TNXB: variants seen among roughly 807,000 people sequenced by gnomAD.
The protein encoded by TNXB is tenascin-X.
Under a neutral mutation model 340.5 loss-of-function variants are expected in TNXB, and 183 were observed. That is an observed-to-expected ratio of 0.54 (90% CI 0.48 to 0.61). TNXB has a LOEUF of 0.61. TNXB is among the 20% of genes least tolerant of loss of function. The pLI is 0.00. For missense variants in TNXB, 4,613 were observed against 5,446.4 expected, an observed-to-expected ratio of 0.85 and a Z score of 4.82; for synonymous variants, 2,121 against 2,314.5, an observed-to-expected ratio of 0.92 and a Z score of 2.40.
At position 32,072,086 on chromosome 6, in the gene TNXB, T is replaced by C. The variant is rs766602645; in HGVS notation, c.4894A>G (p.Ile1632Val). The C allele has an allele frequency of 1.2e-4, 191 of 1,613,016 alleles. No homozygotes were observed. Among genetic ancestry groups the C allele is most frequent in the Middle Eastern group, 1.6e-4 (1 of 6,062 alleles). The change falls in exon 13 of 44, where the codon ATC becomes GTC. Residue 1632 changes from isoleucine to valine, a missense_variant. Ile to Val is a conservative substitution (Grantham distance 29, BLOSUM62 3). Around this residue, in one of 7 missense-constraint regions of TNXB, gnomAD observed 4,327 missense variants for 4,859.4 expected, o/e 0.89. Coordinates refer to ENST00000644971, the MANE Select transcript of TNXB (RefSeq NM_001365276.2). This position sits in a 1 kb window ranked among gnomAD's most constrained non-coding sequence, Gnocchi z 4.4. ...TTGCGGGAGGGTTCCAGGTCAGGGA[T>C]AGTGACCTCCCGCTGATCTGCAGCC... Reference protein sequence around the residue: ...PVAADQREVTIPDLEPSRKYK... With the variant: ...PVAADQREVTVPDLEPSRKYK...
intron 18 of TNXB, among the ~76,000 whole-genome samples, chr6:32,066,094 A>T (rs1000096853): frequency 6.6e-6 from 1 of 152,218 alleles, no homozygotes; most frequent in African/African-American, 2.4e-5. Context: ...GGCAATAAAA[A>T]GCAGTGTAGT....
Position 32,090,835 on chromosome 6 carries a change from T to C in TNXB, c.2359-1456A>G, listed in dbSNP as rs1313412580. Among the ~76,000 whole-genome samples, 2 of 152,176 alleles carry C rather than the reference T, an allele frequency of 1.3e-5. No homozygotes were observed. The highest frequency in any genetic ancestry group is 2.9e-5 in the Non-Finnish European group (2 of 68,026). On this transcript the variant is annotated intron_variant, in intron 4 of 43. Transcript: ENST00000644971. This position sits in a 1 kb window ranked among gnomAD's most constrained non-coding sequence, Gnocchi z 4.3. The stretch of plus-strand genomic sequence containing the variant: ...CCTTACCCTTCCCAGAATTTATTTG[T>C]TCATTTTCTCTGTGTGTGTGTATGT...
In TNXB at chr6:32,085,972, G is replaced by A. The variant is rs776675309; in HGVS notation, c.2926C>T (p.Arg976Cys). The A allele has an allele frequency of 5.6e-6, 9 of 1,608,058 alleles. No homozygotes were observed. Among genetic ancestry groups the A allele is most frequent in the East Asian group, 4.5e-5 (2 of 44,878 alleles). The change falls in exon 7 of 44, where the codon CGC (arginine) becomes TGC (cysteine). Residue 976 changes from arginine (R) to cysteine (C), a missense_variant. Arg to Cys is a radical substitution (Grantham distance 180). This residue lies in a region of TNXB where 4,327 missense variants were observed against 4,859.4 expected (regional missense o/e 0.89). Coordinates refer to ENST00000644971, the MANE Select transcript of TNXB (RefSeq NM_001365276.2). The surrounding 1 kb of genome is among the most constrained non-coding windows in gnomAD (Gnocchi z 6.4). ...LRVLGRDETG[R>C]LRVVWTAQPD... ...TGGGCGGTCCAGACCACACGGAGGC[G>A]CCCTGTCTCATCTCTGCCCAGCACC...
In TNXB at chr6:32,047,222, G is replaced by T. The variant is rs1368732251; in HGVS notation, c.10324+512C>A. ...TCTGGGCATAGTGACTCATGGTCCTGGGAGTGGGGTGAGGGTCGGTGACCC... is the reference window on the plus strand; with the variant it reads ...TCTGGGCATAGTGACTCATGGTCCTTGGAGTGGGGTGAGGGTCGGTGACCC... On this transcript the variant is annotated intron_variant, in intron 30 of 43. Coordinates refer to ENST00000644971, the MANE Select transcript of TNXB (RefSeq NM_001365276.2). This position sits in a 1 kb window ranked among gnomAD's most constrained non-coding sequence, Gnocchi z 6.2. Among the ~76,000 whole-genome samples, 1 of 152,270 alleles carries T rather than the reference G, an allele frequency of 6.6e-6. No individual in the cohort carries two copies. Among genetic ancestry groups the T allele is most frequent in the Non-Finnish European group, 1.5e-5 (1 of 68,048 alleles).
rs771185298 is a variant in TNXB, at chr6:32,055,809, C to T, written c.8467+42G>A. On this transcript the variant is annotated intron_variant, in intron 24 of 43. Transcript: ENST00000644971. ...TGTTTTCATGAAGTTGCAGAGAAAG[C>T]AACATCTTCTAGGGCCATCTTCCTC... The T allele has an allele frequency of 1.9e-6, 3 of 1,573,408 alleles. No homozygotes were observed. In the African/African-American group the frequency reaches 4.1e-5, roughly 21 times the overall value.
At chr6:32,043,600 C>T in intron 35 of TNXB, 44 bp from the exon 36 acceptor site, 1 of 1,266,536 alleles carries the variant, frequency 7.9e-7, no homozygotes, top group South Asian at 1.2e-5. Flanking sequence ...GCGGCTCTCT[C>T]TACTCCGTGC....
rs749923458 is a variant in TNXB, at chr6:32,086,023, G to C, written c.2875C>G (p.Arg959Gly). The C allele has an allele frequency of 6.2e-7, 1 of 1,605,856 alleles. No individual in the cohort carries two copies. Among genetic ancestry groups the C allele is most frequent in the Non-Finnish European group, 8.5e-7 (1 of 1,177,980 alleles). The change falls in exon 7 of 44, where the codon CGC (arginine) becomes GGC (glycine). Residue 959 changes from arginine to glycine, a missense_variant. By Grantham distance (125) the Arg-to-Gly change is moderately radical. Coordinates refer to ENST00000644971, the MANE Select transcript of TNXB (RefSeq NM_001365276.2). ...CTCAACTCTCCCAGCTCCTGGGGGCGCTGCTGCAGGAGAGGAGCCTGGGCC... is the reference window on the plus strand; with the variant it reads ...CTCAACTCTCCCAGCTCCTGGGGGCCCTGCTGCAGGAGAGGAGCCTGGGCC... The part of the protein sequence containing the change: ...QGAQAPLLQQ[R>G]PQELGELRVL...
chr6:32,059,402 G>A (rs1022931277), intron 21 of TNXB, among the ~76,000 whole-genome samples: 1 of 137,492 alleles, frequency 7.3e-6, no homozygotes, highest in Non-Finnish European at 1.5e-5. Context: ...CTGGGCAACA[G>A]AGTGAGACTC....
At chr6:32,071,096 G>A (rs773870784) in intron 13 of TNXB, among the ~76,000 whole-genome samples, 55 of 152,194 alleles carry the variant, frequency 3.6e-4, no homozygotes, top group African/African-American at 1.3e-3. Flanking sequence ...CTTCCTGGAC[G>A]GTGAGGACGC....
Position 32,082,589 on chromosome 6 carries a change from T to C in TNXB, c.3446-263A>G, listed in dbSNP as rs1248339453. On this transcript the variant is annotated intron_variant, in intron 8 of 43. Transcript: ENST00000644971. This position sits in a 1 kb window ranked among gnomAD's most constrained non-coding sequence, Gnocchi z 5.0. ...AGCACTGCGTGGACTAGTGTGGCTCTGCCTCCAACCACAAACCAGAGCAGC... is the reference window on the plus strand; with the variant it reads ...AGCACTGCGTGGACTAGTGTGGCTCCGCCTCCAACCACAAACCAGAGCAGC... 6.6e-6 allele frequency among the ~76,000 whole-genome samples: 1 copy of C among 152,146 alleles called. No homozygotes were observed. Among genetic ancestry groups the C allele is most frequent in the Non-Finnish European group, 1.5e-5 (1 of 68,014 alleles).
chr6:32,055,879 C>G lies in TNXB; in HGVS notation c.8439G>C (p.Val2813=). ...HLYGLHEGRR[V]GPVSTVGVTA... Reference sequence around the variant, plus strand: ...TCACACCCACGGTGGACACCGGGCCCACACGCCGCCCCTCGTGGAGGCCGT... The same window carrying G: ...TCACACCCACGGTGGACACCGGGCCGACACGCCGCCCCTCGTGGAGGCCGT... Residue 2813 remains valine (V), a synonymous_variant, in exon 24 of 44, where the codon GTG becomes GTC. Coordinates refer to ENST00000644971, the MANE Select transcript of TNXB (RefSeq NM_001365276.2). 6.2e-7 allele frequency: 1 copy of G among 1,612,722 alleles called. No individual in the cohort carries two copies. The highest frequency in any genetic ancestry group is 8.5e-7 in the Non-Finnish European group (1 of 1,179,314).
rs1318602452 is a variant in TNXB, at chr6:32,090,766, G to A, written c.2359-1387C>T. Among the ~76,000 whole-genome samples, 4 of 152,106 alleles carry A rather than the reference G, an allele frequency of 2.6e-5. No homozygotes were observed. The East Asian group carries it at 7.7e-4, about 29-fold the overall frequency. On this transcript the variant is annotated intron_variant, in intron 4 of 43. Transcript: ENST00000644971. This position sits in a 1 kb window ranked among gnomAD's most constrained non-coding sequence, Gnocchi z 4.3. Reference sequence around the variant, plus strand: ...ATTCACCCTGCCTTAGAATACCCCAGCCTAGGAAGCCTTGGGTTGGCCTCA... The same window carrying A: ...ATTCACCCTGCCTTAGAATACCCCAACCTAGGAAGCCTTGGGTTGGCCTCA...
rs1778989373 is a variant in TNXB at position 32,074,788 on chromosome 6, C to A, written c.4376-836G>T. 6.6e-6 allele frequency among the ~76,000 whole-genome samples: 1 copy of A among 152,204 alleles called. No individual in the cohort carries two copies. The highest frequency in any genetic ancestry group is 1.5e-5 in the Non-Finnish European group (1 of 68,036). ...CTACGCCTCCTGGGTTCAAGCGATT[C>A]TCCTGCCTTAGCCTCCTGAGTAGCT... On this transcript the variant is annotated intron_variant, in intron 11 of 43. Transcript: ENST00000644971. The surrounding 1 kb of genome is among the most constrained non-coding windows in gnomAD (Gnocchi z 5.5).
In TNXB at chr6:32,042,493, C is replaced by A. The variant is rs763223867; in HGVS notation, c.12172G>T (p.Val4058Leu). 6.2e-7 allele frequency: 1 copy of A among 1,612,824 alleles called. No homozygotes were observed. The highest frequency in any genetic ancestry group is 1.1e-5 in the South Asian group (1 of 91,054). The change falls in exon 40 of 44, where the codon GTG (valine) becomes TTG (leucine). Residue 4058 changes from valine (V) to leucine (L), a missense_variant. Transcript: ENST00000644971. Reference sequence around the variant, plus strand: ...CCATCAGTCTCCATGTCGCAAAACACGTTCAGGGGCCGCTCGCGGTTGCCG... The same window carrying A: ...CCATCAGTCTCCATGTCGCAAAACAAGTTCAGGGGCCGCTCGCGGTTGCCG... ...LNGNRERPLN[V>L]FCDMETDGGG... is the part of the protein sequence containing the mutation.
At position 32,056,033 on chromosome 6, in the gene TNXB, T is replaced by G; in HGVS notation, c.8285A>C (p.His2762Pro). The change falls in exon 24 of 44, where the codon CAC becomes CCC. Residue 2762 changes from histidine to proline, a missense_variant. Physicochemically the swap from His to Pro is moderately conservative, Grantham distance 77 (BLOSUM62 -2). This residue lies in a region of TNXB where 4,327 missense variants were observed against 4,859.4 expected (regional missense o/e 0.89). Transcript: ENST00000644971. ...GTACTGCACGGTGAAGGAGTCGAAGTGGCCCTGGGGGATGGTCCAGGAGAG... is the reference window on the plus strand; with the variant it reads ...GTACTGCACGGTGAAGGAGTCGAAGGGGCCCTGGGGGATGGTCCAGGAGAG... ...LSLSWTIPQGHFDSFTVQYKD... is the reference protein window; with the variant it reads ...LSLSWTIPQGPFDSFTVQYKD... 5 of 1,613,068 alleles carry G rather than the reference T, an allele frequency of 3.1e-6. No individual in the cohort carries two copies. In the South Asian group the frequency reaches 4.4e-5, roughly 14 times the overall value.
In TNXB at chr6:32,055,958, C is replaced by T. The variant is rs1325410858; in HGVS notation, c.8360G>A (p.Ser2787Asn). Residue 2787 changes from serine to asparagine, a missense_variant, in exon 24 of 44, where the codon AGC becomes AAC. By Grantham distance (46) the Ser-to-Asn change is conservative. Around this residue, in one of 7 missense-constraint regions of TNXB, gnomAD observed 4,327 missense variants for 4,859.4 expected, o/e 0.89. Coordinates refer to ENST00000644971, the MANE Select transcript of TNXB (RefSeq NM_001365276.2). ...PQVMRVRGEESEVTVGGLEPG... is the reference protein window; with the variant it reads ...PQVMRVRGEENEVTVGGLEPG... ...CTCCAGGCCCCCCACGGTGACCTCG[C>T]TCTCCTCGCCCCTGACACGCATCAC... 1 of 1,613,508 alleles carries T rather than the reference C, an allele frequency of 6.2e-7. No homozygotes were observed. Among genetic ancestry groups the T allele is most frequent in the African/African-American group, 1.3e-5 (1 of 75,046 alleles).
chr6:32,055,863 C>T lies in TNXB; in HGVS notation c.8455G>A (p.Val2819Met), dbSNP rs202023928. The T allele has an allele frequency of 6.2e-6, 10 of 1,611,786 alleles. No homozygotes were observed. The highest frequency in any genetic ancestry group is 2.2e-5 in the South Asian group (2 of 91,042). Residue 2819 changes from valine to methionine, a missense_variant, in exon 24 of 44, where the codon GTG (valine) becomes ATG (methionine). Val to Met is a conservative substitution (Grantham distance 21). Coordinates refer to ENST00000644971, the MANE Select transcript of TNXB (RefSeq NM_001365276.2). ...EGRRVGPVSTVGVTAPEDEAE... is the reference protein window; with the variant it reads ...EGRRVGPVSTMGVTAPEDEAE... ...CACAAACACTCACCTGTCACACCCACGGTGGACACCGGGCCCACACGCCGC... is the reference window on the plus strand; with the variant it reads ...CACAAACACTCACCTGTCACACCCATGGTGGACACCGGGCCCACACGCCGC...
chr6:32,060,056 TG>T (rs1296047717), intron 21 of TNXB, among the ~76,000 whole-genome samples: 4 of 151,946 alleles, frequency 2.6e-5, no homozygotes, highest in African/African-American at 4.9e-5. Context: ...TAAGTCTGGC[TG>T]GGCGCGGTGG....
chr6:32,087,206 A>T lies in TNXB; in HGVS notation c.2780-1088T>A. On this transcript the variant is annotated intron_variant, in intron 6 of 43. Transcript: ENST00000644971. The surrounding 1 kb of genome is among the most constrained non-coding windows in gnomAD (Gnocchi z 9.0). ...TGAATGCAGGCTCCAACGGCAGGTGAGGCTGGACAAGGGATAGGTGTCCCG... is the reference window on the plus strand; with the variant it reads ...TGAATGCAGGCTCCAACGGCAGGTGTGGCTGGACAAGGGATAGGTGTCCCG... 1 of 475,824 alleles carries T rather than the reference A, an allele frequency of 2.1e-6. No individual in the cohort carries two copies. Among genetic ancestry groups the T allele is most frequent in the South Asian group, 1.5e-5 (1 of 65,944 alleles). The allele number at this position is 475,824 out of a possible 1,614,324, so 29.5% of individuals were successfully genotyped here.
Sources: allele counts gnomAD v4.1 joint callset (sites outside exome capture counted in the v4.1 genomes callset), GRCh38; gene constraint gnomAD v4.1.1; regional missense constraint gnomAD v4.1.1; non-coding constraint Gnocchi (gnomAD v3.1); transcripts MANE v1.5; gene names NCBI Gene and HGNC (gene_info 2026-07-23, HGNC 2026-07-21).